ASTN2: variants seen among roughly 807,000 people sequenced by gnomAD.
ASTN2 encodes the protein astrotactin 2.
In ASTN2, 54 loss-of-function variants were observed where a neutral mutation model predicts 139.8. The observed-to-expected ratio is 0.39, with a 90% CI of 0.31 to 0.48. ASTN2 has a LOEUF of 0.48. ASTN2 is among the 20% of genes least tolerant of loss of function. The pLI, the probability that ASTN2 is intolerant of heterozygous loss-of-function variation, is 0.95. For synonymous variants in ASTN2, 756 were observed against 719.5 expected (o/e 1.05, Z -0.81); for missense variants, 1,565 against 1,725.1 (o/e 0.91, Z 1.64).
At chr9:116,514,872 C>T (rs566582685) in intron 19 of ASTN2, among the ~76,000 whole-genome samples, 178 of 152,190 alleles carry the variant, frequency 1.2e-3, no homozygotes, top group Non-Finnish European at 1.8e-3. Flanking sequence ...GGGAGTGATC[C>T]GATTTTCCAG....
chr9:117,007,636 C>T (rs1837396253), intron 7 of ASTN2, among the ~76,000 whole-genome samples: 1 of 152,142 alleles, frequency 6.6e-6, no homozygotes, highest in South Asian at 2.1e-4. Flanking sequence ...TGCCTGGCTA[C>T]TAAAGAAATA....
In ASTN2 at chr9:116,581,568, C is replaced by A. The variant is rs1853954572; in HGVS notation, c.3355+36756G>T. Among the ~76,000 whole-genome samples, 3 of 152,188 alleles carry A rather than the reference C, an allele frequency of 2.0e-5. No individual in the cohort carries two copies. The South Asian group carries it at 6.2e-4, about 32-fold the overall frequency. On this transcript the variant is annotated intron_variant, in intron 19 of 22. Transcript: ENST00000313400. ...TTCTATTGCCCAGACGGATATTCTT[C>A]CTTAGTTCTGGTCCTCATATCCAAT...
intron 11 of ASTN2, among the ~76,000 whole-genome samples, chr9:116,849,127 T>A (rs1448291606): frequency 6.6e-6 from 1 of 151,862 alleles, no homozygotes. Context: ...AGGCACGGAG[T>A]TTCCATGCCC....
chr9:117,411,237 AC>A (rs1195845395), intron 1 of ASTN2, among the ~76,000 whole-genome samples: 1 of 152,170 alleles, frequency 6.6e-6, no homozygotes, highest in Non-Finnish European at 1.5e-5. Flanking sequence ...TCTTAGCATC[AC>A]ATTAAGGATT....
intron 19 of ASTN2, among the ~76,000 whole-genome samples, chr9:116,606,781 T>C (rs1033845049): frequency 6.6e-6 from 1 of 152,070 alleles, no homozygotes; most frequent in African/African-American, 2.4e-5. Context: ...CCCTTAAAAA[T>C]AGCTTGTGAA....
At chr9:116,696,314 G>C (rs1860849241) in intron 16 of ASTN2, among the ~76,000 whole-genome samples, 1 of 151,998 alleles carries the variant, frequency 6.6e-6, no homozygotes, top group Admixed American at 6.6e-5. Context: ...GGCTTTTTTG[G>C]TGCAGAGCCA....
At chr9:117,192,470 C>T (rs1287947358) in intron 3 of ASTN2, among the ~76,000 whole-genome samples, 1 of 151,930 alleles carries the variant, frequency 6.6e-6, no homozygotes, top group African/African-American at 2.4e-5. Context: ...CAGATATTGC[C>T]TCCTTGTTTT....
At chr9:117,063,595 G>A (rs1431034672) in intron 5 of ASTN2, among the ~76,000 whole-genome samples, 2 of 152,158 alleles carry the variant, frequency 1.3e-5, no homozygotes, top group Admixed American at 6.5e-5. Context: ...AAATTACCAA[G>A]TCTAGGGTAT....
At chr9:117,350,113 T>C (rs958439865) in intron 1 of ASTN2, among the ~76,000 whole-genome samples, 3 of 152,204 alleles carry the variant, frequency 2.0e-5, no homozygotes, top group African/African-American at 7.2e-5. Flanking sequence ...AAGTGGTATA[T>C]AGAAAGTCTC....
At chr9:116,753,468 C>T (rs1479615188) in intron 13 of ASTN2, among the ~76,000 whole-genome samples, 1 of 152,064 alleles carries the variant, frequency 6.6e-6, no homozygotes, top group Admixed American at 6.6e-5. Context: ...TTGTTCAAAC[C>T]CATAGAACTA....
chr9:116,501,847 T>TATA (rs1849866174), intron 19 of ASTN2, among the ~76,000 whole-genome samples: 1 of 149,684 alleles, frequency 6.7e-6, no homozygotes, highest in Admixed American at 6.6e-5. Context: ...AAACTTAAAG[T>TATA]ATAATAATAA....
At chr9:116,618,295 C>A (rs1358380068) in intron 19 of ASTN2, 29 bp downstream of exon 19, 3 of 1,602,812 alleles carry the variant, frequency 1.9e-6, no homozygotes, top group Non-Finnish European at 2.6e-6. Context: ...GTCATACTAT[C>A]CCAAGAAAAT....
At chr9:117,001,439 C>A (rs1483307741) in intron 7 of ASTN2, among the ~76,000 whole-genome samples, 1 of 152,036 alleles carries the variant, frequency 6.6e-6, no homozygotes, top group African/African-American at 2.4e-5. Context: ...AACAGGTGGA[C>A]TCATCTGCTT....
intron 5 of ASTN2, among the ~76,000 whole-genome samples, chr9:117,089,650 C>T (rs1828654276): frequency 6.6e-6 from 1 of 151,980 alleles, no homozygotes; most frequent in African/African-American, 2.4e-5. Context: ...ACACTGTACC[C>T]TATTTGTAGT....
chr9:116,460,294 T>C (rs1295056988), intron 20 of ASTN2, among the ~76,000 whole-genome samples: 2 of 152,118 alleles, frequency 1.3e-5, no homozygotes, highest in African/African-American at 4.8e-5. Flanking sequence ...AGTTTCTTTT[T>C]CGGGTGATGA....
intron 7 of ASTN2, among the ~76,000 whole-genome samples, chr9:116,977,446 C>T (rs924997880): frequency 1.3e-5 from 2 of 152,040 alleles, no homozygotes; most frequent in East Asian, 1.9e-4. Flanking sequence ...TCCATTCATT[C>T]ATGAATCAAT....
At chr9:116,725,014 T>G (rs1438427262) in intron 16 of ASTN2, among the ~76,000 whole-genome samples, 1 of 152,116 alleles carries the variant, frequency 6.6e-6, no homozygotes, top group African/African-American at 2.4e-5. Flanking sequence ...ACTGACCTAT[T>G]AAAACACATA....
intron 17 of ASTN2, among the ~76,000 whole-genome samples, chr9:116,622,783 TA>T (rs1279387164): frequency 3.9e-5 from 6 of 152,218 alleles, no homozygotes; most frequent in Non-Finnish European, 8.8e-5. Context: ...TATTTGCATA[TA>T]AAGTGTCTGG....
intron 5 of ASTN2, among the ~76,000 whole-genome samples, chr9:117,078,676 C>T (rs1828342885): frequency 6.6e-6 from 1 of 152,124 alleles, no homozygotes; most frequent in African/African-American, 2.4e-5. Flanking sequence ...CCATCTATGC[C>T]TTGGTTCCTT....
Sources: gnomAD v4.1 joint callset for allele counts (sites outside exome capture counted in the v4.1 genomes callset) on GRCh38, gnomAD v4.1.1 for gene constraint, MANE v1.5 for transcripts, NCBI Gene and HGNC (gene_info 2026-07-23, HGNC 2026-07-21) for gene names.